Variants in FMN1 observed in about 807,000 individuals in gnomAD.
FMN1 encodes the protein formin 1, also known as formin-1.
In FMN1, 110 loss-of-function variants were observed where a neutral mutation model predicts 132.4. The ratio of observed to expected loss-of-function variants is 0.83; its 90% CI spans 0.71 to 0.97. The LOEUF (loss-of-function observed/expected upper bound fraction) is 0.97, where lower values mean the gene tolerates loss of function less well. Ranked by LOEUF, FMN1 falls within the 50% of genes least tolerant of loss-of-function variation. The pLI is 0.00. For missense variants in FMN1, 1,792 were observed against 1,705.3 expected (o/e 1.05, Z -0.90); for synonymous variants, 722 against 651.7 (o/e 1.11, Z -1.64).
chr15:33,013,193 A>G, intron 6 of FMN1: 1 of 331,102 alleles, frequency 3.0e-6, no homozygotes. Context: ...GCTGCTACAA[A>G]GAAGACATGT....
chr15:33,067,754 T>G (rs768509550), intron 5 of FMN1: 7 of 1,613,972 alleles, frequency 4.3e-6, no homozygotes, highest in Middle Eastern at 1.6e-4. Flanking sequence ...AGATTCTAAT[T>G]TACTCGTAAA....
At chr15:33,054,119 G>A (rs751518051) in intron 6 of FMN1, among the ~76,000 whole-genome samples, 2 of 152,116 alleles carry the variant, frequency 1.3e-5, no homozygotes, top group African/African-American at 4.8e-5. Context: ...CTTACCAGGA[G>A]TCATCTCATT....
intron 6 of FMN1, among the ~76,000 whole-genome samples, chr15:33,019,460 G>T (rs2035291208): frequency 6.6e-6 from 1 of 152,242 alleles, no homozygotes; most frequent in Non-Finnish European, 1.5e-5. Context: ...AGGTGGAGCT[G>T]CCTGCCAGTC....
chr15:32,813,442 T>G (rs2057954523), intron 17 of FMN1, among the ~76,000 whole-genome samples: 1 of 152,236 alleles, frequency 6.6e-6, no homozygotes, highest in Non-Finnish European at 1.5e-5. Flanking sequence ...CAATATATTT[T>G]CACTAGAGAT....
In FMN1 at chr15:33,106,140, A is replaced by G. The variant is rs187715545; in HGVS notation, c.1868-17166T>C. On this transcript the variant is annotated intron_variant, in intron 4 of 20. Transcript: ENST00000616417. Reference sequence around the variant, plus strand: ...TATAAATGGCAGAAAATATCCAGGAACTTTTGCTTATGGGATTCTCAGTAC... The same window carrying G: ...TATAAATGGCAGAAAATATCCAGGAGCTTTTGCTTATGGGATTCTCAGTAC... 1.2e-4 allele frequency: 19 copies of G among 152,170 alleles called. No individual in the cohort carries two copies. In the East Asian group the frequency reaches 3.5e-3, roughly 28 times the overall value. The allele number at this position is 152,170 out of a possible 1,614,324, so 9.4% of individuals were successfully genotyped here.
At position 33,189,347 on chromosome 15, in the gene FMN1, T is replaced by C. The variant is rs1448028836; in HGVS notation, c.-197+4562A>G. On this transcript the variant is annotated intron_variant, in intron 2 of 20. Transcript: ENST00000616417. ...AATTCTGTAGATGAAATCCATTTTC[T>C]GCAGAACTGTGGGCTTTTAAAAAAT... Among the ~76,000 whole-genome samples, 4 of 152,220 alleles carry C rather than the reference T, an allele frequency of 2.6e-5. No homozygotes were observed. The East Asian group carries it at 5.8e-4, about 22-fold the overall frequency.
At chr15:33,004,553 G>C (rs981999569) in intron 7 of FMN1, among the ~76,000 whole-genome samples, 5 of 152,190 alleles carry the variant, frequency 3.3e-5, no homozygotes, top group African/African-American at 1.2e-4. Context: ...TGCTGGAGAG[G>C]ATGTGAAGAA....
intron 4 of FMN1, among the ~76,000 whole-genome samples, chr15:33,112,975 C>G (rs1385342847): frequency 6.6e-6 from 1 of 152,322 alleles, no homozygotes; most frequent in South Asian, 2.1e-4. Flanking sequence ...AGAGAACCTT[C>G]GCTGTTAGGT....
At chr15:33,174,759 C>G (rs1250747479) in intron 3 of FMN1, among the ~76,000 whole-genome samples, 15 of 152,176 alleles carry the variant, frequency 9.9e-5, no homozygotes, top group Admixed American at 9.8e-4. Context: ...AGCTCCCATA[C>G]TGTGAATATT....
chr15:33,116,772 G>A (rs2039943945), intron 4 of FMN1, among the ~76,000 whole-genome samples: 1 of 151,646 alleles, frequency 6.6e-6, no homozygotes, highest in African/African-American at 2.4e-5. Flanking sequence ...TCCCTCATGA[G>A]AAATAGTCGA....
chr15:32,977,090 C>T (rs929065270), intron 7 of FMN1, among the ~76,000 whole-genome samples: 1 of 152,182 alleles, frequency 6.6e-6, no homozygotes, highest in Admixed American at 6.5e-5. Context: ...TCCAGTAATA[C>T]TAACTCATAA....
rs575513748 is a variant in FMN1 at position 32,963,514 on chromosome 15, A to AG, written c.3138+592_3138+593insC. ...GTATAATAAATAAATAAGAAGAAGA[A>AG]AAAAAAAAGAAGGTGGTTAGTCCAA... is the stretch of plus-strand genomic sequence containing the variant. On this transcript the variant is annotated intron_variant, in intron 9 of 20. Transcript: ENST00000616417. Among the ~76,000 whole-genome samples the AG allele has an allele frequency of 2.1e-4, 32 of 149,876 alleles. No individual in the cohort carries two copies. In the East Asian group the frequency reaches 2.2e-3, roughly 10 times the overall value.
chr15:32,776,425 T>C (rs1317189942), intron 20 of FMN1, among the ~76,000 whole-genome samples: 1 of 152,226 alleles, frequency 6.6e-6, no homozygotes, highest in Non-Finnish European at 1.5e-5. Flanking sequence ...GTAGGCTGTA[T>C]CTTTCTGCAC....
chr15:32,888,106 T>A (rs1324118088), intron 16 of FMN1, 66 bp downstream of exon 16: 1 of 1,389,584 alleles, frequency 7.2e-7, no homozygotes, highest in Non-Finnish European at 9.7e-7. Flanking sequence ...ACCTAAATAA[T>A]CCTCTTAAAA....
At chr15:33,025,584 T>C (rs1427161553) in intron 6 of FMN1, among the ~76,000 whole-genome samples, 1 of 152,204 alleles carries the variant, frequency 6.6e-6, no homozygotes, top group Non-Finnish European at 1.5e-5. Flanking sequence ...TTAACAAATC[T>C]ATTTCAGCAA....
At chr15:33,001,671 T>C (rs1434895508) in intron 7 of FMN1, among the ~76,000 whole-genome samples, 1 of 134,354 alleles carries the variant, frequency 7.4e-6, no homozygotes, top group Admixed American at 7.5e-5. Context: ...ACATTGGACT[T>C]TCCTCCTCCT....
chr15:33,013,101 T>C (rs759282047), intron 6 of FMN1: 193 of 410,642 alleles, frequency 4.7e-4, no homozygotes, highest in Non-Finnish European at 8.1e-4. Flanking sequence ...AGTAGGAGAG[T>C]AGAGCCAGAG....
At chr15:33,048,050 A>C (rs2036771341) in intron 6 of FMN1, among the ~76,000 whole-genome samples, 2 of 152,208 alleles carry the variant, frequency 1.3e-5, no homozygotes, top group Admixed American at 1.3e-4. Context: ...AAAAACTGTA[A>C]TGCCTTTTAG....
At chr15:33,085,673 T>G (rs1027520017) in intron 5 of FMN1, among the ~76,000 whole-genome samples, 2 of 151,524 alleles carry the variant, frequency 1.3e-5, no homozygotes, top group Non-Finnish European at 2.9e-5. Flanking sequence ...TCAAAAAACC[T>G]AAAAATACTT....
Sources: allele counts gnomAD v4.1 joint callset (sites outside exome capture counted in the v4.1 genomes callset), GRCh38; gene constraint gnomAD v4.1.1; transcripts MANE v1.5; gene names NCBI Gene and HGNC (gene_info 2026-07-23, HGNC 2026-07-21).